TCAF2: variants seen among roughly 807,000 people sequenced by gnomAD.
TCAF2 encodes TRPM8 channel associated factor 2.
TCAF2 carries 6 observed loss-of-function variants against 33.9 expected under a neutral mutation model. The ratio of observed to expected loss-of-function variants is 0.18; its 90% CI spans 0.10 to 0.35. The LOEUF (loss-of-function observed/expected upper bound fraction) is 0.35. Ranked by LOEUF, TCAF2 falls within the 10% of genes least tolerant of loss-of-function variation. TCAF2 has a pLI of 1.00. For synonymous variants in TCAF2, 41 were observed against 247.8 expected (o/e 0.17, Z 7.84); for missense variants, 109 against 604.0 (o/e 0.18, Z 8.59).
rs1809741196 is a variant in TCAF2, at chr7:143,728,701, A to G, written c.*1034A>G. 1 of 152,208 alleles carries G rather than the reference A, an allele frequency of 6.6e-6. No individual in the cohort carries two copies. The highest frequency in any genetic ancestry group is 1.5e-5 in the Non-Finnish European group (1 of 68,068). The allele number at this position is 152,208 out of a possible 1,614,324, so 9.4% of individuals were successfully genotyped here. A position where few individuals can be genotyped will look rare whatever the true frequency, so the allele number is the denominator to read the frequency against. Reference sequence around the variant, plus strand: ...ACAGTGGGCTTCACTCTGGAACAGGATTACTGGGTGCAGCGGATGTAATCC... The same window carrying G: ...ACAGTGGGCTTCACTCTGGAACAGGGTTACTGGGTGCAGCGGATGTAATCC... On this transcript the variant is annotated 3_prime_UTR_variant, in exon 8 of 8. Coordinates refer to ENST00000684770, the MANE Select transcript of TCAF2 (RefSeq NM_001363538.2).
At chr7:143,715,939 GA>G in intron 2 of TCAF2, 1 of 113,306 alleles carries the variant, frequency 8.8e-6, no homozygotes, top group South Asian at 6.5e-5. Flanking sequence ...ATATAGAGAG[GA>G]AAATGGCAAC....
intron 1 of TCAF2, among the ~76,000 whole-genome samples, chr7:143,648,335 A>T (rs1302183146): frequency 5.8e-5 from 5 of 86,494 alleles, no homozygotes; most frequent in African/African-American, 1.6e-4. Context: ...CACATTTTCT[A>T]AATGAACACC....
intron 1 of TCAF2, chr7:143,647,271 G>A: frequency 2.5e-6 from 1 of 396,862 alleles, no homozygotes; most frequent in Non-Finnish European, 4.4e-6. Flanking sequence ...TGCAGCAGTA[G>A]ACACACAAGT....
rs868749794 is a variant in TCAF2 at position 143,634,856 on chromosome 7, G to T, written c.-12+13836G>T. On this transcript the variant is annotated intron_variant, in intron 1 of 7. Transcript: ENST00000684770. ...AGTGATGATGGAGACAGTTTTTAAA[G>T]TTTTCTTATTTACTATGATTTATCT... Among the ~76,000 whole-genome samples the T allele has an allele frequency of 5.5e-5, 7 of 128,306 alleles. No individual in the cohort carries two copies. In the East Asian group the frequency reaches 1.1e-3, roughly 20 times the overall value. The allele number at this position is 128,306 out of a possible 152,430, so 84.2% of individuals were successfully genotyped here. A position where few individuals can be genotyped will look rare whatever the true frequency, so the allele number is the denominator to read the frequency against.
At chr7:143,727,384 C>T (rs1425380213) in intron 7 of TCAF2, 29 bp from the exon 8 acceptor site, 2 of 1,546,002 alleles carry the variant, frequency 1.3e-6, no homozygotes, top group South Asian at 2.4e-5. Context: ...AACTTGACAC[C>T]TCATTCTGTT....
Position 143,714,223 on chromosome 7 carries a change from A to G in TCAF2, c.624-5460A>G. 6.1e-5 allele frequency among the ~76,000 whole-genome samples: 2 copies of G among 32,698 alleles called. 1 individual carries two copies. The highest frequency in any genetic ancestry group is 9.9e-5 in the Non-Finnish European group (2 of 20,228). The allele number at this position is 32,698 out of a possible 152,430, so 21.5% of individuals were successfully genotyped here. On this transcript the variant is annotated intron_variant, in intron 2 of 7. Coordinates refer to ENST00000684770, the MANE Select transcript of TCAF2 (RefSeq NM_001363538.2). ...TCTCTAGTCCTTTTTTTGATGTTAT[A>G]GATCCTAAGAAAACATCGTTTCTAG...
intron 1 of TCAF2, among the ~76,000 whole-genome samples, chr7:143,647,971 T>C (rs1469325584): frequency 7.9e-6 from 1 of 126,290 alleles, no homozygotes; most frequent in Non-Finnish European, 1.7e-5. Context: ...CAGGCTAGAG[T>C]GCAGTGGCAC....
rs777663594 is a variant in TCAF2 at position 143,724,520 on chromosome 7, G to C, written c.2328G>C (p.Glu776Asp). 365 of 1,610,828 alleles carry C rather than the reference G, an allele frequency of 2.3e-4. 16 individuals are homozygous for C. Among genetic ancestry groups the C allele is most frequent in the Non-Finnish European group, 1.3e-5 (15 of 1,179,470 alleles). The part of the protein sequence containing the change: ...HGWEFPPHTT[E>D]ATCNLWSVYV... Reference sequence around the variant, plus strand: ...GGGAGTTCCCCCCACACACTACTGAGGCCACCTGTAACCTTTGGTCAGTCT... The same window carrying C: ...GGGAGTTCCCCCCACACACTACTGACGCCACCTGTAACCTTTGGTCAGTCT... The change falls in exon 7 of 8, where the codon GAG becomes GAC. Residue 776 changes from glutamate (E) to aspartate (D), a missense_variant. Glu to Asp is a conservative substitution (Grantham distance 45, BLOSUM62 2). Coordinates refer to ENST00000684770, the MANE Select transcript of TCAF2 (RefSeq NM_001363538.2).
At position 143,724,678 on chromosome 7, in the gene TCAF2, C is replaced by T; in HGVS notation, c.2486C>T (p.Ala829Val). 6.2e-7 allele frequency: 1 copy of T among 1,606,408 alleles called. No homozygotes were observed. The highest frequency in any genetic ancestry group is 8.5e-7 in the Non-Finnish European group (1 of 1,177,982). ...APLCDWNVWT[A>V]LETYLQLQEA... ...CTGTGTGACTGGAATGTATGGACAG[C>T]CCTGGAAACATATCTACAGGTACTG... Residue 829 changes from alanine (A) to valine (V), a missense_variant, in exon 7 of 8, where the codon GCC (alanine) becomes GTC (valine). Physicochemically the swap from Ala to Val is moderately conservative, Grantham distance 64. Coordinates refer to ENST00000684770, the MANE Select transcript of TCAF2 (RefSeq NM_001363538.2).
rs570957052 is a variant in TCAF2 at position 143,730,049 on chromosome 7, A to G, written c.*2382A>G. 1.3e-5 allele frequency: 2 copies of G among 152,286 alleles called. No individual in the cohort carries two copies. The highest frequency in any genetic ancestry group is 1.3e-4 in the Admixed American group (2 of 15,298). The allele number at this position is 152,286 out of a possible 1,614,324, so 9.4% of individuals were successfully genotyped here. A position where few individuals can be genotyped will look rare whatever the true frequency, so the allele number is the denominator to read the frequency against. ...TGGTTCCAAGTCTTTGCTATTGTAAATAATGCTGCAATAAAAGTATGTGTG... is the reference window on the plus strand; with the variant it reads ...TGGTTCCAAGTCTTTGCTATTGTAAGTAATGCTGCAATAAAAGTATGTGTG... On this transcript the variant is annotated 3_prime_UTR_variant, in exon 8 of 8. Coordinates refer to ENST00000684770, the MANE Select transcript of TCAF2 (RefSeq NM_001363538.2).
In TCAF2 at chr7:143,701,762, C is replaced by CTTTACTTTAT. The variant is rs1165396537; in HGVS notation, c.-11-1218_-11-1217insCTTTATTTTA. On this transcript the variant is annotated intron_variant, in intron 1 of 7. Coordinates refer to ENST00000684770, the MANE Select transcript of TCAF2 (RefSeq NM_001363538.2). ...ATATTCTTTGCTTTATTTTATTTTA[C>CTTTACTTTAT]TTTATTTTATTTTATTTTATTTTAT... is the stretch of plus-strand genomic sequence containing the variant. Among the ~76,000 whole-genome samples the CTTTACTTTAT allele has an allele frequency of 5.0e-3, 486 of 97,336 alleles. 5 individuals are homozygous for CTTTACTTTAT. The highest frequency in any genetic ancestry group is 0.022 in the Middle Eastern group (4 of 186). The allele number at this position is 97,336 out of a possible 152,430, so 63.9% of individuals were successfully genotyped here.
Position 143,724,514 on chromosome 7 carries a change from T to C in TCAF2, c.2322T>C (p.Thr774=). Residue 774 remains threonine, a synonymous_variant, in exon 7 of 8, where the codon ACT becomes ACC. Transcript: ENST00000684770. ...QRHGWEFPPH[T]TEATCNLWSV... Reference sequence around the variant, plus strand: ...ATGGATGGGAGTTCCCCCCACACACTACTGAGGCCACCTGTAACCTTTGGT... The same window carrying C: ...ATGGATGGGAGTTCCCCCCACACACCACTGAGGCCACCTGTAACCTTTGGT... 2 of 1,611,108 alleles carry C rather than the reference T, an allele frequency of 1.2e-6. No homozygotes were observed. Among genetic ancestry groups the C allele is most frequent in the Non-Finnish European group, 1.7e-6 (2 of 1,179,526 alleles).
rs1554471964 is a variant in TCAF2, at chr7:143,701,757, T to TTTAC, written c.-11-1225_-11-1224insACTT. 5.4e-3 allele frequency among the ~76,000 whole-genome samples: 478 copies of TTTAC among 89,338 alleles called. 21 individuals carry two copies. The highest frequency in any genetic ancestry group is 0.019 in the African/African-American group (461 of 24,150). The allele number at this position is 89,338 out of a possible 152,430, so 58.6% of individuals were successfully genotyped here. ...TAGACATATTCTTTGCTTTATTTTA[T>TTTAC]TTTACTTTATTTTATTTTATTTTAT... On this transcript the variant is annotated intron_variant, in intron 1 of 7. Coordinates refer to ENST00000684770, the MANE Select transcript of TCAF2 (RefSeq NM_001363538.2).
chr7:143,718,609 T>A (rs1370004809), intron 2 of TCAF2, among the ~76,000 whole-genome samples: 1 of 146,662 alleles, frequency 6.8e-6, no homozygotes, highest in Non-Finnish European at 1.5e-5. Flanking sequence ...CAAATTGTTT[T>A]AAAAAAATTC....
chr7:143,701,726 C>T (rs1445654579), intron 1 of TCAF2, among the ~76,000 whole-genome samples: 1 of 92,140 alleles, frequency 1.1e-5, no homozygotes, highest in African/African-American at 4.0e-5. Flanking sequence ...CCAGACAAGG[C>T]ATTTTTAGAC....
chr7:143,649,132 GTA>G (rs1294476204), intron 1 of TCAF2, among the ~76,000 whole-genome samples: 2 of 20,752 alleles, frequency 9.6e-5, no homozygotes, highest in African/African-American at 3.1e-4. Flanking sequence ...TTTTTAAAAA[GTA>G]TAGTTTATTT....
At chr7:143,648,479 A>T (rs1487192758) in intron 1 of TCAF2, among the ~76,000 whole-genome samples, 1 of 141,468 alleles carries the variant, frequency 7.1e-6, no homozygotes, top group Non-Finnish European at 1.6e-5. Context: ...AGTACTGCTT[A>T]TGAATTTCTC....
In TCAF2 at chr7:143,714,206, C is replaced by T. The variant is rs2887136; in HGVS notation, c.624-5477C>T. 6.8e-4 allele frequency among the ~76,000 whole-genome samples: 29 copies of T among 42,878 alleles called. 5 individuals are homozygous for T. The highest frequency in any genetic ancestry group is 9.4e-4 in the Non-Finnish European group (24 of 25,420). 28.1% of individuals were successfully genotyped at this position (42,878 alleles called of 152,430 possible). ...TCTGATCAACATAGTTCTCTCTAGT[C>T]CTTTTTTTGATGTTATAGATCCTAA... is the stretch of plus-strand genomic sequence containing the variant. On this transcript the variant is annotated intron_variant, in intron 2 of 7. Transcript: ENST00000684770.
At position 143,730,385 on chromosome 7, in the gene TCAF2, T is replaced by C. The variant is rs1809786618; in HGVS notation, c.*2718T>C. The C allele has an allele frequency of 6.6e-6, 1 of 152,326 alleles. No homozygotes were observed. The highest frequency in any genetic ancestry group is 1.9e-4 in the East Asian group (1 of 5,184). 9.4% of individuals were successfully genotyped at this position (152,326 alleles called of 1,614,324 possible). On this transcript the variant is annotated 3_prime_UTR_variant, in exon 8 of 8. Coordinates refer to ENST00000684770, the MANE Select transcript of TCAF2 (RefSeq NM_001363538.2). ...AATGATGAGCTTTTTTTCATGTTTA[T>C]TGGCCACATAAATGTCTTCTTTTGA...
Sources: allele counts gnomAD v4.1 joint callset (sites outside exome capture counted in the v4.1 genomes callset), GRCh38; gene constraint gnomAD v4.1.1; transcripts MANE v1.5; gene names NCBI Gene and HGNC (gene_info 2026-07-23, HGNC 2026-07-21).